The following PRRX1 variants were observed in gnomAD, a reference collection of about 807,000 sequenced individuals.
The protein encoded by PRRX1 is paired related homeobox 1.
Under a neutral mutation model 24.0 loss-of-function variants are expected in PRRX1, and 8 were observed. That is an observed-to-expected ratio of 0.33 (90% CI 0.20 to 0.60). The LOEUF is 0.60. Ranked by LOEUF, PRRX1 falls within the 20% of genes least tolerant of loss-of-function variation. The probability of loss-of-function intolerance (pLI) is 0.82; values close to 1 mark genes in which losing one functional copy is unlikely to be tolerated. For synonymous variants in PRRX1, 160 were observed against 131.7 expected (o/e 1.22, Z -1.47); for missense variants, 281 against 322.4 (o/e 0.87, Z 0.98).
At chr1:170,675,952 G>A (rs1220580883) in intron 1 of PRRX1, among the ~76,000 whole-genome samples, 1 of 152,088 alleles carries the variant, frequency 6.6e-6, no homozygotes, top group Non-Finnish European at 1.5e-5. Context: ...CCTAATAAAA[G>A]TTTCTGAAGT....
At chr1:170,665,597 A>T (rs1379143801) in intron 1 of PRRX1, among the ~76,000 whole-genome samples, 1 of 152,262 alleles carries the variant, frequency 6.6e-6, no homozygotes, top group African/African-American at 2.4e-5. Context: ...GCCCTCCAGC[A>T]TTCTATGATT....
intron 2 of PRRX1, among the ~76,000 whole-genome samples, chr1:170,725,526 G>A (rs1401391114): frequency 6.6e-6 from 1 of 152,132 alleles, no homozygotes; most frequent in Non-Finnish European, 1.5e-5. Flanking sequence ...AGGATCCAGT[G>A]TACACACACC....
intron 1 of PRRX1, among the ~76,000 whole-genome samples, chr1:170,694,055 G>A (rs1023558450): frequency 2.6e-5 from 4 of 152,010 alleles, no homozygotes; most frequent in African/African-American, 7.2e-5. Flanking sequence ...TTGTCGCCAC[G>A]AAGGACTTTA....
intron 1 of PRRX1, among the ~76,000 whole-genome samples, chr1:170,667,216 G>A (rs1237418913): frequency 6.6e-6 from 1 of 152,082 alleles, no homozygotes; most frequent in Non-Finnish European, 1.5e-5. Flanking sequence ...AGCTTCCGGA[G>A]GAGGCCGCAG....
chr1:170,724,754 T>C (rs530282617), intron 2 of PRRX1, among the ~76,000 whole-genome samples: 1 of 152,342 alleles, frequency 6.6e-6, no homozygotes, highest in Admixed American at 6.5e-5. Flanking sequence ...AGGATTGTCT[T>C]GGCCATACGG....
At chr1:170,705,070 A>G (rs1378593328) in intron 1 of PRRX1, among the ~76,000 whole-genome samples, 2 of 152,146 alleles carry the variant, frequency 1.3e-5, no homozygotes, top group East Asian at 1.9e-4. Context: ...AACTCTCACA[A>G]TGTAATGGGA....
Position 170,736,324 on chromosome 1 carries a change from C to T in PRRX1, c.*138C>T, listed in dbSNP as rs972584693. Reference sequence around the variant, plus strand: ...ACAAAGCAGAACTAAAATATTGGGACCATGGCAGAGAAAAGCAGGAGAGGA... The same window carrying T: ...ACAAAGCAGAACTAAAATATTGGGATCATGGCAGAGAAAAGCAGGAGAGGA... On this transcript the variant is annotated 3_prime_UTR_variant, in exon 4 of 4. Coordinates refer to ENST00000239461, the MANE Select transcript of PRRX1 (RefSeq NM_022716.4). 8.1e-6 allele frequency: 10 copies of T among 1,239,846 alleles called. No individual in the cohort carries two copies. Among genetic ancestry groups the T allele is most frequent in the Non-Finnish European group, 1.1e-5 (10 of 883,346 alleles). The allele number at this position is 1,239,846 out of a possible 1,614,324, so 76.8% of individuals were successfully genotyped here.
chr1:170,678,864 T>C (rs1424724057), intron 1 of PRRX1, among the ~76,000 whole-genome samples: 2 of 152,222 alleles, frequency 1.3e-5, no homozygotes, highest in Non-Finnish European at 1.5e-5. Flanking sequence ...ATGTGATGCC[T>C]GGTTCACTTG....
chr1:170,681,188 G>A (rs1036890587), intron 1 of PRRX1, among the ~76,000 whole-genome samples: 4 of 152,208 alleles, frequency 2.6e-5, no homozygotes, highest in African/African-American at 7.2e-5. Flanking sequence ...CAATAGTGCT[G>A]AGTGATAGAT....
intron 1 of PRRX1, among the ~76,000 whole-genome samples, chr1:170,704,304 G>A (rs901604222): frequency 3.3e-5 from 5 of 152,158 alleles, no homozygotes; most frequent in Non-Finnish European, 5.9e-5. Flanking sequence ...ACACAATTAA[G>A]TTGCTCTCTC....
chr1:170,690,194 T>G (rs1260963623), intron 1 of PRRX1, among the ~76,000 whole-genome samples: 3 of 151,924 alleles, frequency 2.0e-5, no homozygotes, highest in African/African-American at 7.3e-5. Context: ...ATTAGAAATA[T>G]TGCATCAGAT....
chr1:170,700,179 T>A (rs1409952274), intron 1 of PRRX1, among the ~76,000 whole-genome samples: 1 of 152,174 alleles, frequency 6.6e-6, no homozygotes, highest in Non-Finnish European at 1.5e-5. Flanking sequence ...GGAAGTTATT[T>A]TTTTGTGTGA....
intron 1 of PRRX1, among the ~76,000 whole-genome samples, chr1:170,675,490 TGAAA>T (rs1653289147): frequency 6.6e-6 from 1 of 152,124 alleles, no homozygotes; most frequent in African/African-American, 2.4e-5. Context: ...GCATGCTTTT[TGAAA>T]GAAAGAAGGA....
At chr1:170,709,569 G>A (rs1654678332) in intron 1 of PRRX1, among the ~76,000 whole-genome samples, 1 of 151,990 alleles carries the variant, frequency 6.6e-6, no homozygotes, top group Non-Finnish European at 1.5e-5. Context: ...GTCACCAAGT[G>A]TACTGGAATA....
intron 1 of PRRX1, among the ~76,000 whole-genome samples, chr1:170,696,487 G>A (rs778405960): frequency 6.6e-5 from 10 of 152,004 alleles, no homozygotes; most frequent in African/African-American, 9.7e-5. Flanking sequence ...ATTTGAAGTC[G>A]TTTATAAGTA....
intron 3 of PRRX1, among the ~76,000 whole-genome samples, chr1:170,734,223 ATTTT>A (rs11300488): frequency 1.9e-4 from 28 of 144,398 alleles, no homozygotes; most frequent in African/African-American, 6.8e-4. Flanking sequence ...TATTGGTAAG[ATTTT>A]TTTTTTTTTT....
At chr1:170,663,785 C>T (rs1652807907), upstream of PRRX1, 1 of 162,846 alleles carries the variant, frequency 6.1e-6, no homozygotes, top group South Asian at 2.0e-4. Context: ...TTGCCTAACT[C>T]CCCCGCCCTG....
intron 1 of PRRX1, among the ~76,000 whole-genome samples, chr1:170,679,741 GTTGTTAGCAC>G (rs1653446297): frequency 6.6e-6 from 1 of 151,804 alleles, no homozygotes; most frequent in Admixed American, 6.5e-5. Flanking sequence ...GTTTTAGGTG[GTTGTTAGCAC>G]TTATTCTAGA....
chr1:170,673,581 C>T (rs1558043758), intron 1 of PRRX1, among the ~76,000 whole-genome samples: 2 of 152,238 alleles, frequency 1.3e-5, no homozygotes, highest in African/African-American at 4.8e-5. Flanking sequence ...TCAAGACTCT[C>T]CATTGGAGCT....
Sources: gnomAD v4.1 joint callset for allele counts (sites outside exome capture counted in the v4.1 genomes callset) on GRCh38, gnomAD v4.1.1 for gene constraint, MANE v1.5 for transcripts, NCBI Gene and HGNC (gene_info 2026-07-23, HGNC 2026-07-21) for gene names.